TMOD1: variants seen among roughly 807,000 people sequenced by gnomAD.
The protein encoded by TMOD1 is tropomodulin-1.
In TMOD1, 17 loss-of-function variants were observed where a neutral mutation model predicts 40.6. The ratio of observed to expected loss-of-function variants is 0.42; its 90% CI spans 0.29 to 0.63. The LOEUF is 0.63. Ranked by LOEUF, TMOD1 falls within the 20% of genes least tolerant of loss-of-function variation. The pLI is 0.22. For missense variants in TMOD1, 391 were observed against 447.6 expected (o/e 0.87, Z 1.14); for synonymous variants, 181 against 175.0 (o/e 1.03, Z -0.27).
At chr9:97,575,096 C>T (rs1830907272) in intron 8 of TMOD1, among the ~76,000 whole-genome samples, 1 of 152,220 alleles carries the variant, frequency 6.6e-6, no homozygotes, top group Non-Finnish European at 1.5e-5. Flanking sequence ...TCTCTGTTTG[C>T]CATAAATCTT....
chr9:97,551,010 ATATATTTTTTTTTTTTTT>A (rs1357107685), intron 3 of TMOD1, among the ~76,000 whole-genome samples: 9 of 42,238 alleles, frequency 2.1e-4, no homozygotes, highest in African/African-American at 1.4e-3. Flanking sequence ...ATATATATAT[ATATATTTTTTTTTTTTTT>A]TTTTTTTTTT....
At chr9:97,580,094 GCTGTGTC>G (rs1825711457) in intron 8 of TMOD1, among the ~76,000 whole-genome samples, 1 of 152,128 alleles carries the variant, frequency 6.6e-6, no homozygotes, top group Non-Finnish European at 1.5e-5. Context: ...AGGAGATGGG[GCTGTGTC>G]CTGTTGGCTT....
intron 9 of TMOD1, among the ~76,000 whole-genome samples, chr9:97,594,785 G>A (rs1477323406): frequency 1.3e-5 from 2 of 152,196 alleles, no homozygotes; most frequent in East Asian, 1.9e-4. Context: ...TCCCATCTGC[G>A]TTTTCCCACA....
chr9:97,585,712 T>C (rs1273727955), intron 8 of TMOD1, among the ~76,000 whole-genome samples: 1 of 124,324 alleles, frequency 8.0e-6, no homozygotes, highest in African/African-American at 3.4e-5. Context: ...TTCTTTTTAT[T>C]CTTTTTTCTC....
intron 9 of TMOD1, 84 bp from the exon 10 acceptor site, chr9:97,599,550 G>A: frequency 2.5e-6 from 4 of 1,572,944 alleles, no homozygotes; most frequent in Non-Finnish European, 3.5e-6. Flanking sequence ...TTAGTGCGAG[G>A]TTTCACAGTG....
chr9:97,564,115 C>T lies in TMOD1; in HGVS notation c.565C>T (p.Arg189Trp), dbSNP rs766826917. The T allele has an allele frequency of 4.2e-5, 68 of 1,613,832 alleles. No homozygotes were observed. Among genetic ancestry groups the T allele is most frequent in the Middle Eastern group, 1.6e-4 (1 of 6,084 alleles). Reference protein sequence around the residue: ...NSTDVEETLERIKNNDPKLEE... With the variant: ...NSTDVEETLEWIKNNDPKLEE... ...AACAGACGTAGAGGAAACGCTGGAA[C>T]GGATAAAGAACAACGACCCAAAACT... is the stretch of plus-strand genomic sequence containing the variant. The change falls in exon 6 of 10, where the codon CGG becomes TGG. Residue 189 changes from arginine (R) to tryptophan (W), a missense_variant. Coordinates refer to ENST00000259365, the MANE Select transcript of TMOD1 (RefSeq NM_003275.4).
At chr9:97,593,411 G>C (rs1826039725) in intron 9 of TMOD1, among the ~76,000 whole-genome samples, 1 of 152,154 alleles carries the variant, frequency 6.6e-6, no homozygotes. Flanking sequence ...GAAGGACTTA[G>C]AGCTTATCCC....
intron 8 of TMOD1, 113 bp downstream of exon 8, chr9:97,569,150 C>T: frequency 7.1e-7 from 1 of 1,410,544 alleles, no homozygotes; most frequent in Non-Finnish European, 9.6e-7. Context: ...AGCTCAGAGC[C>T]CAGCTTTGAG....
At chr9:97,593,062 C>T (rs534752581) in intron 9 of TMOD1, among the ~76,000 whole-genome samples, 15 of 152,350 alleles carry the variant, frequency 9.8e-5, no homozygotes, top group African/African-American at 2.9e-4. Flanking sequence ...AGTACCAGCA[C>T]GGAGAAGCCT....
chr9:97,601,252 G>A lies in TMOD1; in HGVS notation c.*1554G>A, dbSNP rs1826251876. ...TATAATATTAAATCTGTTGGTCTAT[G>A]CATGGCTGCGTATGTGTTTCTTGGA... On this transcript the variant is annotated 3_prime_UTR_variant, in exon 10 of 10. Transcript: ENST00000259365. 8.1e-7 allele frequency: 1 copy of A among 1,227,778 alleles called. No homozygotes were observed. Among genetic ancestry groups the A allele is most frequent in the South Asian group, 1.5e-5 (1 of 68,804 alleles). The allele number at this position is 1,227,778 out of a possible 1,614,324, so 76.1% of individuals were successfully genotyped here.
chr9:97,578,648 A>G (rs914952719), intron 8 of TMOD1, among the ~76,000 whole-genome samples: 14 of 152,074 alleles, frequency 9.2e-5, no homozygotes, highest in African/African-American at 2.9e-4. Flanking sequence ...TCCAACTTCC[A>G]TCTACACATG....
Position 97,599,725 on chromosome 9 carries a change from G to GAAC in TMOD1, c.*28_*30dup, listed in dbSNP as rs1293081409. ...GTGTGGCGGTGGAGTCCATGCCTTTGAACTGGATGTGTTCTATTGATGACC... is the reference window on the plus strand; with the variant it reads ...GTGTGGCGGTGGAGTCCATGCCTTTGAACAACTGGATGTGTTCTATTGATGACC... On this transcript the variant is annotated 3_prime_UTR_variant, in exon 10 of 10. Coordinates refer to ENST00000259365, the MANE Select transcript of TMOD1 (RefSeq NM_003275.4). 6.2e-7 allele frequency: 1 copy of GAAC among 1,614,016 alleles called. No individual in the cohort carries two copies. The highest frequency in any genetic ancestry group is 2.2e-5 in the East Asian group (1 of 44,888).
rs1289870920 is a variant in TMOD1, at chr9:97,601,445, T to C, written c.*1747T>C. On this transcript the variant is annotated 3_prime_UTR_variant, in exon 10 of 10. Coordinates refer to ENST00000259365, the MANE Select transcript of TMOD1 (RefSeq NM_003275.4). Reference sequence around the variant, plus strand: ...ATATGAAGCTCCCAGAGAGAACATTTAAAAGCTCAGAGAGTAAGTGCTGGG... The same window carrying C: ...ATATGAAGCTCCCAGAGAGAACATTCAAAAGCTCAGAGAGTAAGTGCTGGG... 1 of 1,019,910 alleles carries C rather than the reference T, an allele frequency of 9.8e-7. No individual in the cohort carries two copies. The highest frequency in any genetic ancestry group is 1.1e-4 in the East Asian group (1 of 9,402). 63.2% of individuals were successfully genotyped at this position (1,019,910 alleles called of 1,614,324 possible).
At chr9:97,586,647 A>C (rs1040258304) in intron 8 of TMOD1, among the ~76,000 whole-genome samples, 15 of 152,310 alleles carry the variant, frequency 9.8e-5, no homozygotes, top group African/African-American at 3.4e-4. Flanking sequence ...CTGTGCTAGC[A>C]ATCAGCGAGA....
intron 2 of TMOD1, among the ~76,000 whole-genome samples, chr9:97,544,167 G>A (rs1474637686): frequency 1.3e-5 from 2 of 152,032 alleles, no homozygotes; most frequent in African/African-American, 2.4e-5. Context: ...ATCACACCCC[G>A]GTCTCCTGAT....
At chr9:97,539,345 A>G (rs1830240229) in intron 2 of TMOD1, among the ~76,000 whole-genome samples, 1 of 152,168 alleles carries the variant, frequency 6.6e-6, no homozygotes, top group African/African-American at 2.4e-5. Context: ...CGGGTGTGAG[A>G]GTCAGTATTA....
chr9:97,559,776 A>T (rs1830591224), intron 4 of TMOD1, among the ~76,000 whole-genome samples: 1 of 12,260 alleles, frequency 8.2e-5, no homozygotes. Flanking sequence ...AAAATTTAAA[A>T]AAAAAAAAAA....
rs892313879 is a variant in TMOD1 at position 97,502,125 on chromosome 9, C to A, written c.-49+322C>A. Among the ~76,000 whole-genome samples, 24 of 152,110 alleles carry A rather than the reference C, an allele frequency of 1.6e-4. No homozygotes were observed. The highest frequency in any genetic ancestry group is 5.1e-4 in the African/African-American group (21 of 41,552). On this transcript the variant is annotated intron_variant, in intron 1 of 9. Coordinates refer to ENST00000259365, the MANE Select transcript of TMOD1 (RefSeq NM_003275.4). The surrounding 1 kb of genome is among the most constrained non-coding windows in gnomAD (Gnocchi z 6.1). ...CGGGGTTCTGGAGGAGACGGCGCCC[C>A]GGGCTGGGGTCCTGGCGGAGGGGCG...
chr9:97,506,515 C>T (rs984363994), intron 1 of TMOD1, among the ~76,000 whole-genome samples: 1 of 152,188 alleles, frequency 6.6e-6, no homozygotes, highest in Non-Finnish European at 1.5e-5. Flanking sequence ...TTCTCCTACC[C>T]GACCAAATCA....
Sources: gnomAD v4.1 joint callset for allele counts (sites outside exome capture counted in the v4.1 genomes callset) on GRCh38, gnomAD v4.1.1 for gene constraint, Gnocchi (gnomAD v3.1) non-coding constraint, MANE v1.5 for transcripts, NCBI Gene and HGNC (gene_info 2026-07-23, HGNC 2026-07-21) for gene names.